The following FNDC3A variants were observed in gnomAD, a reference collection of about 807,000 sequenced individuals.
FNDC3A encodes fibronectin type-III domain-containing protein 3A.
Under a neutral mutation model 148.9 loss-of-function variants are expected in FNDC3A, and 32 were observed. The observed-to-expected ratio is 0.21, with a 90% CI of 0.16 to 0.29. FNDC3A has a LOEUF of 0.29. FNDC3A is among the 10% of genes least tolerant of loss of function. The pLI is 1.00. For missense variants in FNDC3A, 1,191 were observed against 1,452.8 expected, an observed-to-expected ratio of 0.82 and a Z score of 2.93; for synonymous variants, 472 against 473.6, an observed-to-expected ratio of 1.00 and a Z score of 0.04.
At chr13:49,164,849 G>A (rs916593393) in intron 8 of FNDC3A, among the ~76,000 whole-genome samples, 4 of 152,132 alleles carry the variant, frequency 2.6e-5, no homozygotes, top group Non-Finnish European at 4.4e-5. Flanking sequence ...GAGGTGATCC[G>A]CCTGCCTCGG....
intron 3 of FNDC3A, among the ~76,000 whole-genome samples, chr13:49,092,375 A>G (rs955357249): frequency 6.6e-6 from 1 of 152,174 alleles, no homozygotes; most frequent in African/African-American, 2.4e-5. Flanking sequence ...GCAGCAACTT[A>G]TCCTTCACCT....
intron 2 of FNDC3A, among the ~76,000 whole-genome samples, chr13:49,017,788 G>A (rs1376822966): frequency 1.3e-5 from 2 of 151,688 alleles, no homozygotes; most frequent in Non-Finnish European, 2.9e-5. Flanking sequence ...CTCTTTTAGG[G>A]CAGGCCTGGT....
chr13:49,033,725 A>G (rs76640154), intron 2 of FNDC3A, among the ~76,000 whole-genome samples: 1,552 of 152,038 alleles, frequency 0.01, 17 homozygotes, highest in African/African-American at 0.025. Context: ...GATTTAATAC[A>G]TCAGTCATAT....
At position 49,175,762 on chromosome 13, in the gene FNDC3A, A is replaced by G. The variant is rs1172869872; in HGVS notation, c.1530+221A>G. 2.0e-5 allele frequency among the ~76,000 whole-genome samples: 3 copies of G among 152,182 alleles called. No individual in the cohort carries two copies. The East Asian group carries it at 5.8e-4, about 29-fold the overall frequency. On this transcript the variant is annotated intron_variant, in intron 13 of 25. Coordinates refer to ENST00000492622, the MANE Select transcript of FNDC3A (RefSeq NM_001079673.2). ...ACTATGTTGAATAGGAGACGAGGGC[A>G]TCCTTATCTTGTGCCAGTTTTCAAA...
chr13:49,085,804 A>G (rs1878768564), intron 3 of FNDC3A, among the ~76,000 whole-genome samples: 2 of 152,086 alleles, frequency 1.3e-5, no homozygotes, highest in Admixed American at 1.3e-4. Context: ...AGTTTAGCTT[A>G]GCATGAAGAA....
intron 2 of FNDC3A, among the ~76,000 whole-genome samples, chr13:49,015,206 C>T (rs557736025): frequency 7.9e-5 from 12 of 152,294 alleles, no homozygotes; most frequent in Middle Eastern, 3.4e-3. Context: ...GCCATTTTCA[C>T]GATACTGATT....
intron 2 of FNDC3A, among the ~76,000 whole-genome samples, chr13:49,036,433 T>C (rs1215216351): frequency 6.6e-6 from 1 of 152,204 alleles, no homozygotes; most frequent in Non-Finnish European, 1.5e-5. Flanking sequence ...ATTTCTGTCA[T>C]CACAGAGAGT....
At chr13:49,088,919 GAAAT>G (rs903612778) in intron 3 of FNDC3A, among the ~76,000 whole-genome samples, 2 of 152,120 alleles carry the variant, frequency 1.3e-5, no homozygotes, top group African/African-American at 2.4e-5. Flanking sequence ...GCAGTTAAGT[GAAAT>G]AAATCAGTCA....
intron 2 of FNDC3A, among the ~76,000 whole-genome samples, chr13:49,023,847 A>G (rs897447581): frequency 6.6e-6 from 1 of 151,990 alleles, no homozygotes; most frequent in African/African-American, 2.4e-5. Context: ...GATTTTTGTC[A>G]AAAAGTGTAC....
chr13:49,025,152 A>G (rs868401754), intron 2 of FNDC3A, among the ~76,000 whole-genome samples: 1 of 152,030 alleles, frequency 6.6e-6, no homozygotes, highest in South Asian at 2.1e-4. Flanking sequence ...TTTCATAAGT[A>G]TTTACTAAGG....
At chr13:49,014,211 C>A (rs12021092) in intron 2 of FNDC3A, among the ~76,000 whole-genome samples, 5 of 99,008 alleles carry the variant, frequency 5.1e-5, no homozygotes, top group Non-Finnish European at 6.2e-5. Flanking sequence ...TACAGTCCCA[C>A]CAACAGTGTA....
At chr13:49,014,374 T>G (rs1168337531) in intron 2 of FNDC3A, among the ~76,000 whole-genome samples, 1 of 117,000 alleles carries the variant, frequency 8.5e-6, no homozygotes, top group African/African-American at 3.3e-5. Context: ...TTTCATGTGT[T>G]TTTTGGCTGC....
chr13:49,124,307 C>G (rs924121374), intron 4 of FNDC3A, among the ~76,000 whole-genome samples: 1 of 151,866 alleles, frequency 6.6e-6, no homozygotes, highest in East Asian at 1.9e-4. Flanking sequence ...CACATAGACA[C>G]AGGGAGGGGA....
chr13:48,998,125 T>G (rs1288424694), intron 1 of FNDC3A, among the ~76,000 whole-genome samples: 1 of 152,144 alleles, frequency 6.6e-6, no homozygotes, highest in Non-Finnish European at 1.5e-5. Flanking sequence ...GAAAAGGCAA[T>G]CCTTGTAATA....
intron 2 of FNDC3A, among the ~76,000 whole-genome samples, chr13:49,017,753 C>G (rs1398421546): frequency 6.6e-6 from 1 of 151,868 alleles, no homozygotes; most frequent in African/African-American, 2.4e-5. Context: ...TTGTTCCTTT[C>G]CATGTTTAGC....
intron 8 of FNDC3A, among the ~76,000 whole-genome samples, chr13:49,153,228 G>T (rs1024337476): frequency 6.6e-6 from 1 of 151,014 alleles, no homozygotes; most frequent in Non-Finnish European, 1.5e-5. Context: ...GTGTGAGATG[G>T]TATCTCATTG....
At chr13:49,050,860 T>C (rs572656942) in intron 2 of FNDC3A, among the ~76,000 whole-genome samples, 1 of 152,290 alleles carries the variant, frequency 6.6e-6, no homozygotes, top group East Asian at 1.9e-4. Context: ...ATTGTGATGT[T>C]TTCCTTTTGG....
At chr13:48,978,750 G>A (rs1951646682) in intron 1 of FNDC3A, among the ~76,000 whole-genome samples, 1 of 152,034 alleles carries the variant, frequency 6.6e-6, no homozygotes, top group African/African-American at 2.4e-5. Context: ...AGAATATGGT[G>A]CATATTTATT....
rs533013159 is a variant in FNDC3A, at chr13:49,000,533, C to A, written c.-39-5619C>A. ...AGTGTGAGTCCTTCAACTTTGTTTT[C>A]TTTCAAAATTGCTTTGACTATTTGG... is the stretch of plus-strand genomic sequence containing the variant. On this transcript the variant is annotated intron_variant, in intron 1 of 25. Transcript: ENST00000492622. Among the ~76,000 whole-genome samples the A allele has an allele frequency of 2.6e-5, 4 of 152,208 alleles. No individual in the cohort carries two copies. In the South Asian group the frequency reaches 8.3e-4, roughly 32 times the overall value.
Sources: gnomAD v4.1 joint callset for allele counts (sites outside exome capture counted in the v4.1 genomes callset) on GRCh38, gnomAD v4.1.1 for gene constraint, MANE v1.5 for transcripts, NCBI Gene and HGNC (gene_info 2026-07-23, HGNC 2026-07-21) for gene names.